The following MACROD2 variants were observed in gnomAD, a reference collection of about 807,000 sequenced individuals.
MACROD2 encodes ADP-ribose glycohydrolase MACROD2.
In MACROD2, 36 loss-of-function variants were observed where a neutral mutation model predicts 70.4. The observed-to-expected ratio is 0.51, with a 90% CI of 0.39 to 0.68. The LOEUF (loss-of-function observed/expected upper bound fraction) is 0.68. Among genes scored for constraint, MACROD2 ranks in the 30% least tolerant of loss-of-function variants. MACROD2 has a pLI of 0.00. For synonymous variants in MACROD2, 172 were observed against 178.8 expected (o/e 0.96, Z 0.30); for missense variants, 496 against 538.4 (o/e 0.92, Z 0.78).
intron 4 of MACROD2, among the ~76,000 whole-genome samples, chr20:14,564,827 A>G (rs1364917355): frequency 1.3e-5 from 2 of 151,982 alleles, no homozygotes; most frequent in African/African-American, 4.8e-5. Context: ...CATGTATCCT[A>G]CTTCTGGGTA....
At chr20:16,019,489 A>G (rs996812226) in intron 15 of MACROD2, among the ~76,000 whole-genome samples, 1 of 152,228 alleles carries the variant, frequency 6.6e-6, no homozygotes, top group Non-Finnish European at 1.5e-5. Flanking sequence ...ATGCACCCAC[A>G]TTCACTGGAG....
chr20:14,238,228 G>A (rs1443251487), intron 3 of MACROD2, among the ~76,000 whole-genome samples: 5 of 152,044 alleles, frequency 3.3e-5, no homozygotes, highest in Non-Finnish European at 7.4e-5. Context: ...TCCCTGGGAT[G>A]CAAAGTTCAT....
intron 5 of MACROD2, among the ~76,000 whole-genome samples, chr20:14,875,966 T>C (rs1350823222): frequency 6.6e-6 from 1 of 152,162 alleles, no homozygotes; most frequent in African/African-American, 2.4e-5. Flanking sequence ...ACAATTATTG[T>C]CCTCTGGTTA....
At chr20:14,857,651 G>A (rs570810997) in intron 5 of MACROD2, among the ~76,000 whole-genome samples, 2 of 151,996 alleles carry the variant, frequency 1.3e-5, no homozygotes, top group East Asian at 1.9e-4. Flanking sequence ...TAATTAATGC[G>A]GAAAGTGGCA....
Position 14,716,100 on chromosome 20 carries a change from A to G in MACROD2, c.418+31141A>G, listed in dbSNP as rs556155701. Among the ~76,000 whole-genome samples the G allele has an allele frequency of 2.6e-5, 4 of 152,322 alleles. No homozygotes were observed. The South Asian group carries it at 8.3e-4, about 32-fold the overall frequency. Reference sequence around the variant, plus strand: ...AAAGATGGACTCTGTAATGATATGAAGGCGTTTTCCTTCAGTCTGCCTAGA... The same window carrying G: ...AAAGATGGACTCTGTAATGATATGAGGGCGTTTTCCTTCAGTCTGCCTAGA... On this transcript the variant is annotated intron_variant, in intron 5 of 17. Transcript: ENST00000684519.
intron 8 of MACROD2, among the ~76,000 whole-genome samples, chr20:15,754,048 A>C (rs2051310921): frequency 6.6e-6 from 1 of 152,228 alleles, no homozygotes; most frequent in South Asian, 2.1e-4. Context: ...AAAAGAGAGA[A>C]GATATGAATG....
intron 5 of MACROD2, among the ~76,000 whole-genome samples, chr20:15,190,402 AG>A: frequency 6.6e-6 from 1 of 152,272 alleles, no homozygotes; most frequent in African/African-American, 2.4e-5. Flanking sequence ...CCCTCAGTAG[AG>A]GCCATTCAAC....
At chr20:15,520,529 C>T (rs1372871242) in intron 8 of MACROD2, among the ~76,000 whole-genome samples, 4 of 133,218 alleles carry the variant, frequency 3.0e-5, no homozygotes. Context: ...CATTTGTCAC[C>T]CCTATGTTTT....
chr20:14,054,866 T>A (rs1462279140), intron 2 of MACROD2, among the ~76,000 whole-genome samples: 1 of 152,166 alleles, frequency 6.6e-6, no homozygotes, highest in South Asian at 2.1e-4. Context: ...GAAGAATTAT[T>A]TATCTGTCTT....
At chr20:14,919,539 A>G (rs2074135401) in intron 5 of MACROD2, among the ~76,000 whole-genome samples, 1 of 152,226 alleles carries the variant, frequency 6.6e-6, no homozygotes, top group Non-Finnish European at 1.5e-5. Context: ...TCTTGCAAGC[A>G]ACCAGGAACA....
chr20:15,708,004 GA>G (rs1211733659), intron 8 of MACROD2, among the ~76,000 whole-genome samples: 1 of 151,940 alleles, frequency 6.6e-6, no homozygotes, highest in East Asian at 1.9e-4. Context: ...AGTTCTGAGG[GA>G]AAAGTGTTTC....
At chr20:15,529,604 T>C (rs548404926) in intron 8 of MACROD2, among the ~76,000 whole-genome samples, 3 of 152,188 alleles carry the variant, frequency 2.0e-5, no homozygotes, top group African/African-American at 4.8e-5. Flanking sequence ...TGTAAAGCCA[T>C]GTTTGTGATT....
intron 3 of MACROD2, among the ~76,000 whole-genome samples, chr20:14,292,593 C>G (rs1031564482): frequency 1.9e-4 from 29 of 151,782 alleles, no homozygotes; most frequent in African/African-American, 7.0e-4. Context: ...TTGACCAGAT[C>G]AGGTGAAAAA....
chr20:14,039,249 G>A (rs1162928777), intron 2 of MACROD2, among the ~76,000 whole-genome samples: 1 of 152,082 alleles, frequency 6.6e-6, no homozygotes, highest in South Asian at 2.1e-4. Context: ...AGACCATGAA[G>A]GTTGTATTAA....
At chr20:14,214,099 A>G (rs1398628821) in intron 3 of MACROD2, among the ~76,000 whole-genome samples, 1 of 152,150 alleles carries the variant, frequency 6.6e-6, no homozygotes, top group Non-Finnish European at 1.5e-5. Flanking sequence ...TAAGGCATAA[A>G]TAAATAGTTA....
chr20:15,554,041 G>C (rs964752480), intron 8 of MACROD2, among the ~76,000 whole-genome samples: 1 of 152,226 alleles, frequency 6.6e-6, no homozygotes, highest in African/African-American at 2.4e-5. Context: ...AAAAATAAGG[G>C]AGAGGGCTAT....
At chr20:15,100,799 A>C (rs2075866485) in intron 5 of MACROD2, among the ~76,000 whole-genome samples, 1 of 152,162 alleles carries the variant, frequency 6.6e-6, no homozygotes, top group South Asian at 2.1e-4. Context: ...GAATTCCAGA[A>C]TTATTGCTAA....
rs41276346 is a variant in MACROD2 at position 16,041,129 on chromosome 20, G to A, written c.1154-72G>A. The A allele has an allele frequency of 1.1e-3, 1,408 of 1,278,282 alleles. 9 individuals carry two copies. The highest frequency in any genetic ancestry group is 7.1e-3 in the Middle Eastern group (38 of 5,378). The allele number at this position is 1,278,282 out of a possible 1,614,324, so 79.2% of individuals were successfully genotyped here. The stretch of plus-strand genomic sequence containing the variant: ...TGAATTTAAAAGGGCAATGGAGGGT[G>A]ACAGAAATGATTGGCCCTCAGGCTG... On this transcript the variant is annotated intron_variant, in intron 15 of 17. Transcript: ENST00000684519.
intron 7 of MACROD2, among the ~76,000 whole-genome samples, chr20:15,479,303 C>T (rs991518364): frequency 6.5e-4 from 81 of 124,914 alleles, no homozygotes; most frequent in African/African-American, 2.4e-3. Flanking sequence ...GACGGAGTCT[C>T]GCTCTGTCGC....
Sources: gnomAD v4.1 joint callset for allele counts (sites outside exome capture counted in the v4.1 genomes callset) on GRCh38, gnomAD v4.1.1 for gene constraint, MANE v1.5 for transcripts, NCBI Gene and HGNC (gene_info 2026-07-23, HGNC 2026-07-21) for gene names.